The following ATP2B2 variants were observed in gnomAD, a reference collection of about 807,000 sequenced individuals.
ATP2B2 encodes the protein ATPase plasma membrane Ca2+ transporting 2, also known as plasma membrane calcium-transporting ATPase 2.
In ATP2B2, 15 loss-of-function variants were observed where a neutral mutation model predicts 120.0. The observed-to-expected ratio is 0.12, with a 90% CI of 0.08 to 0.19. The LOEUF (loss-of-function observed/expected upper bound fraction) is 0.19. Among genes scored for constraint, ATP2B2 ranks in the 10% least tolerant of loss-of-function variants. The probability of loss-of-function intolerance (pLI) is 1.00; values close to 1 mark genes in which losing one functional copy is unlikely to be tolerated. For missense variants in ATP2B2, 1,045 were observed against 1,719.8 expected (o/e 0.61, Z 6.94); for synonymous variants, 694 against 700.3 (o/e 0.99, Z 0.14).
At chr3:10,628,734 AC>A in intron 1 of ATP2B2, among the ~76,000 whole-genome samples, 1 of 152,272 alleles carries the variant, frequency 6.6e-6, no homozygotes, top group South Asian at 2.1e-4. Context: ...AAAGGCAGTC[AC>A]CACGGTAGGG....
intron 2 of ATP2B2, among the ~76,000 whole-genome samples, chr3:10,432,780 G>A (rs1306141043): frequency 5.9e-5 from 9 of 152,306 alleles, no homozygotes; most frequent in African/African-American, 1.2e-4. Context: ...ACAAAGGGAC[G>A]CGGCTTTCTA....
chr3:10,388,057 T>C (rs1033096999), intron 6 of ATP2B2: 8 of 590,860 alleles, frequency 1.4e-5, no homozygotes, highest in Non-Finnish European at 2.1e-5. Context: ...GGGGCCTCCA[T>C]GACATGATTG....
chr3:10,379,787 C>CAGAG (rs35701693), intron 8 of ATP2B2, among the ~76,000 whole-genome samples: 22,753 of 151,654 alleles, frequency 0.15, 2,080 homozygotes, highest in Admixed American at 0.26. Context: ...GAAAGAGAGA[C>CAGAG]AGAGAGAGAG....
chr3:10,685,821 T>C (rs1270594724), intron 1 of ATP2B2, among the ~76,000 whole-genome samples: 1 of 152,198 alleles, frequency 6.6e-6, no homozygotes, highest in Non-Finnish European at 1.5e-5. Flanking sequence ...CTAGTTCCAT[T>C]CCTCACTGAT....
intron 1 of ATP2B2, among the ~76,000 whole-genome samples, chr3:10,458,670 C>G (rs1443931900): frequency 6.6e-6 from 1 of 151,150 alleles, no homozygotes; most frequent in Admixed American, 6.6e-5. Flanking sequence ...CAGATCCACT[C>G]AGTTTTGATC....
At chr3:10,657,818 C>A (rs569129510) in intron 1 of ATP2B2, among the ~76,000 whole-genome samples, 1 of 152,354 alleles carries the variant, frequency 6.6e-6, no homozygotes, top group African/African-American at 2.4e-5. Flanking sequence ...GTCCCTGACC[C>A]CCAAGGAGCC....
At chr3:10,569,611 G>T (rs968485724) in intron 2 of ATP2B2, among the ~76,000 whole-genome samples, 4 of 152,186 alleles carry the variant, frequency 2.6e-5, no homozygotes, top group African/African-American at 9.7e-5. Flanking sequence ...ATGAAGCTAA[G>T]ATGGACAGTG....
chr3:10,354,838 C>G (rs1359749240), intron 14 of ATP2B2, among the ~76,000 whole-genome samples: 1 of 152,206 alleles, frequency 6.6e-6, no homozygotes, highest in Non-Finnish European at 1.5e-5. Flanking sequence ...GGTTTTCCCT[C>G]TGGCTGAGCC....
At position 10,338,262 on chromosome 3, in the gene ATP2B2, C is replaced by T; in HGVS notation, c.3334G>A (p.Asp1112Asn). The T allele has an allele frequency of 6.2e-7, 1 of 1,614,150 alleles. No homozygotes were observed. Among genetic ancestry groups the T allele is most frequent in the Non-Finnish European group, 8.5e-7 (1 of 1,179,978 alleles). ...TCCGCGTGGTCGATCTCCTCCACGT[C>T]CTCGTTGAGCTCCTCCTCCGGGATC... ...EEIPEEELNE[D>N]VEEIDHAERE... The change falls in exon 22 of 23, where the codon GAC (aspartate) becomes AAC (asparagine). Residue 1112 changes from aspartate (D) to asparagine (N), a missense_variant. Asp to Asn is a conservative substitution (Grantham distance 23). Coordinates refer to ENST00000360273, the MANE Select transcript of ATP2B2 (RefSeq NM_001001331.4).
At chr3:10,528,962 T>C (rs573176594) in intron 3 of ATP2B2, among the ~76,000 whole-genome samples, 1 of 152,236 alleles carries the variant, frequency 6.6e-6, no homozygotes, top group East Asian at 1.9e-4. Context: ...CCCAGATCCA[T>C]GAGATGACTT....
intron 3 of ATP2B2, among the ~76,000 whole-genome samples, chr3:10,527,641 C>T (rs573010506): frequency 7.9e-5 from 12 of 152,316 alleles, no homozygotes; most frequent in Admixed American, 5.2e-4. Context: ...CAGGAACCCC[C>T]TACCTCCCCA....
chr3:10,355,416 G>T (rs970397713), intron 14 of ATP2B2, among the ~76,000 whole-genome samples: 1 of 152,154 alleles, frequency 6.6e-6, no homozygotes, highest in Non-Finnish European at 1.5e-5. Flanking sequence ...AGAGAGCGTG[G>T]CCCATGTGGA....
intron 2 of ATP2B2, among the ~76,000 whole-genome samples, chr3:10,554,674 C>A (rs1212803433): frequency 6.6e-6 from 1 of 152,196 alleles, no homozygotes; most frequent in Non-Finnish European, 1.5e-5. Flanking sequence ...AATTTTAAAT[C>A]CCCTGGTCTA....
intron 18 of ATP2B2, among the ~76,000 whole-genome samples, chr3:10,344,478 A>G (rs1195402362): frequency 1.3e-5 from 2 of 152,358 alleles, no homozygotes; most frequent in East Asian, 3.9e-4. Context: ...AGAGGGGAGC[A>G]GTGTTCCAGC....
chr3:10,663,155 C>T (rs1196003777), intron 1 of ATP2B2, among the ~76,000 whole-genome samples: 14 of 151,566 alleles, frequency 9.2e-5, no homozygotes, highest in East Asian at 3.9e-4. Flanking sequence ...GACGAGTTAA[C>T]GGGTGCAGCA....
intron 1 of ATP2B2, among the ~76,000 whole-genome samples, chr3:10,683,097 A>G (rs2071421783): frequency 6.6e-6 from 1 of 150,790 alleles, no homozygotes; most frequent in Non-Finnish European, 1.5e-5. Context: ...ATCTCATCTG[A>G]CCTTTACAAC....
chr3:10,386,745 T>C (rs931381866), intron 6 of ATP2B2, among the ~76,000 whole-genome samples: 4 of 151,694 alleles, frequency 2.6e-5, no homozygotes, highest in Non-Finnish European at 5.9e-5. Context: ...TGGCCTGAGA[T>C]GCTGGACTGC....
At chr3:10,506,907 G>A (rs2125427042), upstream of ATP2B2, among the ~76,000 whole-genome samples, 1 of 152,374 alleles carries the variant, frequency 6.6e-6, no homozygotes, top group South Asian at 2.1e-4. Context: ...TCGTTAAGCT[G>A]AAAGTCTGCA....
At chr3:10,399,266 G>A (rs2062143102) in intron 5 of ATP2B2, among the ~76,000 whole-genome samples, 1 of 152,224 alleles carries the variant, frequency 6.6e-6, no homozygotes, top group East Asian at 1.9e-4. Context: ...GAAATCTCAT[G>A]TGGCCCTATG....
Sources: gnomAD v4.1 joint callset for allele counts (sites outside exome capture counted in the v4.1 genomes callset) on GRCh38, gnomAD v4.1.1 for gene constraint, MANE v1.5 for transcripts, NCBI Gene and HGNC (gene_info 2026-07-23, HGNC 2026-07-21) for gene names.